The following CPD variants were observed in gnomAD, a reference collection of about 807,000 sequenced individuals.
CPD encodes the protein carboxypeptidase D.
Under a neutral mutation model 138.3 loss-of-function variants are expected in CPD, and 69 were observed. The ratio of observed to expected loss-of-function variants is 0.50; its 90% CI spans 0.41 to 0.61. The LOEUF (loss-of-function observed/expected upper bound fraction) is 0.61. Among genes scored for constraint, CPD ranks in the 20% least tolerant of loss-of-function variants. The pLI, the probability that CPD is intolerant of heterozygous loss-of-function variation, is 0.00. For synonymous variants in CPD, 651 were observed against 642.1 expected, an observed-to-expected ratio of 1.01 and a Z score of -0.21; for missense variants, 1,432 against 1,733.3, an observed-to-expected ratio of 0.83 and a Z score of 3.09.
chr17:30,464,561 A>T, intron 20 of CPD, 27 bp from the exon 21 acceptor site: 1 of 1,580,982 alleles, frequency 6.3e-7, no homozygotes, highest in Non-Finnish European at 8.7e-7. Flanking sequence ...GTATAATATC[A>T]CCCACATGAT....
intron 13 of CPD, chr17:30,450,112 A>C (rs941986152): frequency 1.3e-5 from 2 of 152,250 alleles, no homozygotes; most frequent in African/African-American, 2.5e-5. Context: ...GCTTGAGTGC[A>C]ATGGCATGAT....
intron 8 of CPD, among the ~76,000 whole-genome samples, chr17:30,432,642 C>A (rs111941870): frequency 5.9e-5 from 9 of 152,166 alleles, no homozygotes; most frequent in African/African-American, 2.2e-4. Context: ...CTTGGTGGCT[C>A]ATGCCTGAAA....
At chr17:30,399,913 A>G (rs893439204) in intron 2 of CPD, among the ~76,000 whole-genome samples, 113 of 152,214 alleles carry the variant, frequency 7.4e-4, no homozygotes, top group African/African-American at 2.6e-3. Context: ...TGCTTAGGAA[A>G]CCGGGAGGCA....
At chr17:30,421,309 G>T (rs1028765066) in intron 3 of CPD, among the ~76,000 whole-genome samples, 4 of 152,020 alleles carry the variant, frequency 2.6e-5, no homozygotes, top group Admixed American at 1.3e-4. Context: ...ATTTGCTAGT[G>T]AGCCTTTACC....
intron 6 of CPD, among the ~76,000 whole-genome samples, chr17:30,425,126 TTG>T (rs1054898301): frequency 1.4e-4 from 7 of 48,660 alleles, no homozygotes; most frequent in African/African-American, 4.0e-4. Flanking sequence ...CTTTAGTCTC[TTG>T]CAATTTTTCT....
intron 12 of CPD, among the ~76,000 whole-genome samples, chr17:30,447,221 A>T (rs543879790): frequency 1.3e-5 from 2 of 152,004 alleles, no homozygotes; most frequent in Admixed American, 1.3e-4. Context: ...TGCCATTGCT[A>T]TTGGTGTTTT....
At chr17:30,448,212 AC>A (rs1197732084) in intron 12 of CPD, among the ~76,000 whole-genome samples, 3 of 152,148 alleles carry the variant, frequency 2.0e-5, no homozygotes, top group Non-Finnish European at 4.4e-5. Context: ...TTAAAATAAA[AC>A]CAGGCTGGGC....
In CPD at chr17:30,394,539, C is replaced by T. The variant is rs1911447545; in HGVS notation, c.994+9303C>T. 2.0e-5 allele frequency among the ~76,000 whole-genome samples: 3 copies of T among 152,032 alleles called. 1 individual carries two copies. Among genetic ancestry groups the T allele is most frequent in the Admixed American group, 2.0e-4 (3 of 15,264 alleles). On this transcript the variant is annotated intron_variant, in intron 2 of 20. Coordinates refer to ENST00000225719, the MANE Select transcript of CPD (RefSeq NM_001304.5). ...TGTGTGAATTCTTTGATGATAAGGA[C>T]AGTGTAGTGCTATTCGTTTTGGAGT...
At chr17:30,383,369 A>G (rs976013326) in intron 1 of CPD, among the ~76,000 whole-genome samples, 2 of 152,186 alleles carry the variant, frequency 1.3e-5, no homozygotes, top group African/African-American at 4.8e-5. Context: ...ATGAAAGGAA[A>G]ACTGAGGTTC....
intron 17 of CPD, among the ~76,000 whole-genome samples, chr17:30,458,030 A>G (rs1321236227): frequency 6.6e-6 from 1 of 152,074 alleles, no homozygotes; most frequent in Non-Finnish European, 1.5e-5. Context: ...CATCTCTACT[A>G]AAAATACAAA....
chr17:30,385,323 G>A, intron 2 of CPD, 87 bp downstream of exon 2: 1 of 1,440,112 alleles, frequency 6.9e-7, no homozygotes. Flanking sequence ...AAGAAACTCT[G>A]TAGAAATCTA....
At chr17:30,423,146 AAAATT>A (rs1912312676) in intron 5 of CPD, 123 bp downstream of exon 5, 1 of 728,366 alleles carries the variant, frequency 1.4e-6, no homozygotes, top group Non-Finnish European at 2.1e-6. Context: ...AAACCTAACT[AAAATT>A]AAAAGAAAGC....
chr17:30,446,921 G>C (rs1455974233), intron 12 of CPD, among the ~76,000 whole-genome samples: 1 of 152,166 alleles, frequency 6.6e-6, no homozygotes, highest in African/African-American at 2.4e-5. Flanking sequence ...TTCTCTGATG[G>C]CCAGTGATGA....
chr17:30,384,661 G>C (rs577683094), intron 1 of CPD, among the ~76,000 whole-genome samples: 1 of 152,102 alleles, frequency 6.6e-6, no homozygotes, highest in Non-Finnish European at 1.5e-5. Context: ...CATGAATTTA[G>C]AATTCCCTAA....
intron 8 of CPD, among the ~76,000 whole-genome samples, chr17:30,435,362 C>T (rs1912671314): frequency 6.6e-6 from 1 of 150,466 alleles, no homozygotes; most frequent in African/African-American, 2.5e-5. Flanking sequence ...TGTTGATGGT[C>T]AGTTGATTTT....
At chr17:30,448,252 C>G (rs1678498140) in intron 12 of CPD, among the ~76,000 whole-genome samples, 1 of 152,144 alleles carries the variant, frequency 6.6e-6, no homozygotes, top group South Asian at 2.1e-4. Context: ...AATCCCAGCA[C>G]TTTGGGAGGC....
rs1302242763 is a variant in CPD at position 30,383,416 on chromosome 17, T to C, written c.747-1573T>C. On this transcript the variant is annotated intron_variant, in intron 1 of 20. Coordinates refer to ENST00000225719, the MANE Select transcript of CPD (RefSeq NM_001304.5). The stretch of plus-strand genomic sequence containing the variant: ...AGGCAGTAACTTCTCCTGATTATGT[T>C]ATATTACTGGTGAGCAACAGATCTG... Among the ~76,000 whole-genome samples, 5 of 152,212 alleles carry C rather than the reference T, an allele frequency of 3.3e-5. No homozygotes were observed. The South Asian group carries it at 8.3e-4, about 25-fold the overall frequency.
Position 30,467,156 on chromosome 17 carries a change from T to C in CPD, c.*2342T>C, listed in dbSNP as rs1255685090. 6.6e-6 allele frequency: 1 copy of C among 152,612 alleles called. No homozygotes were observed. Among genetic ancestry groups the C allele is most frequent in the Middle Eastern group, 3.2e-3 (1 of 316 alleles). The allele number at this position is 152,612 out of a possible 1,614,324, so 9.5% of individuals were successfully genotyped here. On this transcript the variant is annotated 3_prime_UTR_variant, in exon 21 of 21. Coordinates refer to ENST00000225719, the MANE Select transcript of CPD (RefSeq NM_001304.5). ...TGGGATGGGGAATGCATTTCTTCAG[T>C]GTTTCTCCGAGAGACTTTCCATTTC...
chr17:30,443,955 A>G lies in CPD; in HGVS notation c.2527A>G (p.Thr843Ala). Residue 843 changes from threonine to alanine, a missense_variant, in exon 11 of 21, where the codon ACA (threonine) becomes GCA (alanine). Thr to Ala is a moderately conservative substitution (Grantham distance 58). This residue lies in a region of CPD where 297 missense variants were observed against 405.3 expected (regional missense o/e 0.73). Coordinates refer to ENST00000225719, the MANE Select transcript of CPD (RefSeq NM_001304.5). ...RLLVPGTYKI[T>A]ASARGYNPVT... ...CTTGGTTCCAGGAACTTATAAAATCACAGCATCTGCTCGAGGGTGAGTGAC... is the reference window on the plus strand; with the variant it reads ...CTTGGTTCCAGGAACTTATAAAATCGCAGCATCTGCTCGAGGGTGAGTGAC... 1 of 1,613,870 alleles carries G rather than the reference A, an allele frequency of 6.2e-7. No individual in the cohort carries two copies. Among genetic ancestry groups the G allele is most frequent in the Non-Finnish European group, 8.5e-7 (1 of 1,179,818 alleles).
Sources: allele counts gnomAD v4.1 joint callset (sites outside exome capture counted in the v4.1 genomes callset), GRCh38; gene constraint gnomAD v4.1.1; regional missense constraint gnomAD v4.1.1; transcripts MANE v1.5; gene names NCBI Gene and HGNC (gene_info 2026-07-23, HGNC 2026-07-21).